The following ASXL1 variants were observed in gnomAD, a reference collection of about 807,000 sequenced individuals.
The protein encoded by ASXL1 is ASXL transcriptional regulator 1, also known as polycomb group protein ASXL1.
In ASXL1, 65 loss-of-function variants were observed where a neutral mutation model predicts 89.1. The observed-to-expected ratio is 0.73, with a 90% CI of 0.60 to 0.90. The LOEUF is 0.90. Among genes scored for constraint, ASXL1 ranks in the 40% least tolerant of loss-of-function variants. ASXL1 has a pLI of 0.00. For missense variants in ASXL1, 1,786 were observed against 1,942.9 expected (o/e 0.92, Z 1.52); for synonymous variants, 739 against 746.9 (o/e 0.99, Z 0.17).
At position 32,435,538 on chromosome 20, in the gene ASXL1, G is replaced by A. The variant is rs976714388; in HGVS notation, c.2826G>A (p.Gly942=). The A allele has an allele frequency of 1.9e-6, 3 of 1,613,882 alleles. No homozygotes were observed. The highest frequency in any genetic ancestry group is 2.7e-5 in the African/African-American group (2 of 74,892). The change falls in exon 13 of 13, where the codon GGG becomes GGA. Residue 942 remains glycine (G), a synonymous_variant. Transcript: ENST00000375687. ...KAAPTPPALP[G]DLTAEEGLDP... ...CTCCCACCCCTCCTGCATTGCCTGG[G>A]GATTTGACAGCTGAGGAGGGTCTAG...
At position 32,434,973 on chromosome 20, in the gene ASXL1, C is replaced by G. The variant is rs1184551610; in HGVS notation, c.2261C>G (p.Thr754Ser). Reference protein sequence around the residue: ...GDASQLPVAPTGDQPCQALPL... With the variant: ...GDASQLPVAPSGDQPCQALPL... ...GCCTCCCAACTCCCCGTTGCTCCCACTGGGGACCAGCCATGCCAGGCCTTG... is the reference window on the plus strand; with the variant it reads ...GCCTCCCAACTCCCCGTTGCTCCCAGTGGGGACCAGCCATGCCAGGCCTTG... The change falls in exon 13 of 13, where the codon ACT becomes AGT. Residue 754 changes from threonine (T) to serine (S), a missense_variant. This residue lies in a region of ASXL1 where 1,418 missense variants were observed against 1,427.8 expected (regional missense o/e 0.99). Transcript: ENST00000375687. 1.2e-6 allele frequency: 2 copies of G among 1,614,214 alleles called. No homozygotes were observed. Among genetic ancestry groups the G allele is most frequent in the Admixed American group, 1.7e-5 (1 of 60,034 alleles).
rs138417690 is a variant in ASXL1, at chr20:32,437,206, G to A, written c.4494G>A (p.Thr1498=). The change falls in exon 13 of 13, where the codon ACG becomes ACA. Residue 1498 remains threonine, a synonymous_variant. Transcript: ENST00000375687. ...LSLQMFTDSS[T]VESISLQCAC... ...TGCAAATGTTCACTGACAGCAGCAC[G>A]GTGGAAAGCATCTCGCTCCAGTGTG... The A allele has an allele frequency of 6.4e-5, 104 of 1,613,544 alleles. No homozygotes were observed. Among genetic ancestry groups the A allele is most frequent in the Admixed American group, 5.5e-4 (33 of 60,016 alleles).
intron 1 of ASXL1, among the ~76,000 whole-genome samples, chr20:32,361,804 G>T (rs1408030399): frequency 6.6e-6 from 1 of 152,214 alleles, no homozygotes; most frequent in African/African-American, 2.4e-5. Flanking sequence ...GGTGGCTCAC[G>T]CCTGTAATCC....
chr20:32,392,638 G>C (rs1305898360), intron 4 of ASXL1, among the ~76,000 whole-genome samples: 1 of 151,166 alleles, frequency 6.6e-6, no homozygotes, highest in Non-Finnish European at 1.5e-5. Flanking sequence ...TCTTTTCTAA[G>C]ATAGACATTT....
chr20:32,416,642 TGCA>T (rs2049143282), intron 4 of ASXL1, among the ~76,000 whole-genome samples: 1 of 152,244 alleles, frequency 6.6e-6, no homozygotes, highest in African/African-American at 2.4e-5. Context: ...TTATAAACAC[TGCA>T]GCAACACTTA....
At chr20:32,368,907 G>T (rs2048248760) in intron 3 of ASXL1, 108 bp from the exon 4 acceptor site, 3 of 837,834 alleles carry the variant, frequency 3.6e-6, no homozygotes, top group Admixed American at 2.8e-5. Context: ...TTTTTCTTCT[G>T]TATTTCTTGC....
chr20:32,364,511 C>G (rs745347162), intron 1 of ASXL1, among the ~76,000 whole-genome samples: 3 of 152,162 alleles, frequency 2.0e-5, no homozygotes, highest in Non-Finnish European at 4.4e-5. Flanking sequence ...ACCCACTTTA[C>G]CCAGCCATAT....
At chr20:32,383,370 G>A (rs1390615941) in intron 4 of ASXL1, among the ~76,000 whole-genome samples, 3 of 151,566 alleles carry the variant, frequency 2.0e-5, no homozygotes, top group Non-Finnish European at 2.9e-5. Flanking sequence ...GCAGTGGCGC[G>A]ATCTCGGCTC....
In ASXL1 at chr20:32,358,676, GC is replaced by G. The variant is rs971345309; in HGVS notation, c.-92del. On this transcript the variant is annotated 5_prime_UTR_variant, in exon 1 of 13. Transcript: ENST00000375687. ...ACCTCGCGCGCCGCCGCTGCCACGC[GC>G]CCCCCCCACCGCCGCCGCCGCCCCA... 1.2e-4 allele frequency: 46 copies of G among 398,454 alleles called. No individual in the cohort carries two copies. The highest frequency in any genetic ancestry group is 1.1e-4 in the African/African-American group (5 of 44,524). 24.7% of individuals were successfully genotyped at this position (398,454 alleles called of 1,614,324 possible). A position where few individuals can be genotyped will look rare whatever the true frequency, so the allele number is the denominator to read the frequency against.
intron 4 of ASXL1, among the ~76,000 whole-genome samples, chr20:32,426,546 T>TTTTCTTTC (rs1442181301): frequency 1.1e-5 from 1 of 89,134 alleles, no homozygotes; most frequent in Non-Finnish European, 2.5e-5. Flanking sequence ...GTTTTCTTTT[T>TTTTCTTTC]TTTCTTTCTT....
intron 4 of ASXL1, among the ~76,000 whole-genome samples, chr20:32,384,316 C>T (rs1183113433): frequency 1.3e-5 from 2 of 149,492 alleles, no homozygotes; most frequent in Non-Finnish European, 3.0e-5. Context: ...AAGCGATTCT[C>T]CTGCCTTGGC....
chr20:32,437,397 T>C lies in ASXL1; in HGVS notation c.*59T>C. 6.3e-7 allele frequency: 1 copy of C among 1,589,074 alleles called. No homozygotes were observed. The highest frequency in any genetic ancestry group is 8.6e-7 in the Non-Finnish European group (1 of 1,157,910). On this transcript the variant is annotated 3_prime_UTR_variant, in exon 13 of 13. Coordinates refer to ENST00000375687, the MANE Select transcript of ASXL1 (RefSeq NM_015338.6). ...GTGTGTGTATTTTGATAATGATTGA[T>C]CTTAAATCTGTATACAGAATATCAT...
chr20:32,372,325 C>T (rs553282405), intron 4 of ASXL1: 16 of 1,187,526 alleles, frequency 1.3e-5, no homozygotes, highest in Non-Finnish European at 1.6e-5. Context: ...TCTTAACTGC[C>T]TTTGGCTTTA....
rs144578238 is a variant in ASXL1 at position 32,376,768 on chromosome 20, T to G, written c.252+7645T>G. 8.0e-3 allele frequency among the ~76,000 whole-genome samples: 1,184 copies of G among 147,508 alleles called. 22 individuals carry two copies. The highest frequency in any genetic ancestry group is 0.028 in the African/African-American group (1,134 of 40,442). Reference sequence around the variant, plus strand: ...TCTGGTGGGACATTAGGGTCAGAATTTTGTATATTATATATTATATATCTA... The same window carrying G: ...TCTGGTGGGACATTAGGGTCAGAATGTTGTATATTATATATTATATATCTA... On this transcript the variant is annotated intron_variant, in intron 4 of 12. Coordinates refer to ENST00000375687, the MANE Select transcript of ASXL1 (RefSeq NM_015338.6).
chr20:32,431,515 C>T (rs1405924931), intron 9 of ASXL1, 31 bp downstream of exon 9: 8 of 1,614,128 alleles, frequency 5.0e-6, no homozygotes, highest in Non-Finnish European at 5.1e-6. Flanking sequence ...CTTTGCCTCT[C>T]TCTGGGTGGG....
intron 4 of ASXL1, among the ~76,000 whole-genome samples, chr20:32,386,615 G>T (rs1395448451): frequency 1.3e-5 from 2 of 151,766 alleles, no homozygotes; most frequent in African/African-American, 4.8e-5. Flanking sequence ...ATGGGGTTTC[G>T]CCATGTTGAC....
intron 4 of ASXL1, among the ~76,000 whole-genome samples, chr20:32,384,981 AAAC>A (rs2048554069): frequency 6.6e-6 from 1 of 152,160 alleles, no homozygotes; most frequent in South Asian, 2.1e-4. Flanking sequence ...GAAAAAAAAA[AAAC>A]TTTTCTTTGG....
chr20:32,395,165 G>A (rs901475678), intron 4 of ASXL1, among the ~76,000 whole-genome samples: 23 of 152,156 alleles, frequency 1.5e-4, no homozygotes, highest in Non-Finnish European at 2.6e-4. Flanking sequence ...TCTGCCAGAG[G>A]ACTTCCTTTA....
chr20:32,437,628 G>T lies in ASXL1; in HGVS notation c.*290G>T, dbSNP rs182359250. 2.7e-4 allele frequency: 128 copies of T among 481,778 alleles called. 1 individual carries two copies. The highest frequency in any genetic ancestry group is 2.1e-3 in the African/African-American group (111 of 52,066). The allele number at this position is 481,778 out of a possible 1,614,324, so 29.8% of individuals were successfully genotyped here. A position where few individuals can be genotyped will look rare whatever the true frequency, so the allele number is the denominator to read the frequency against. On this transcript the variant is annotated 3_prime_UTR_variant, in exon 13 of 13. Coordinates refer to ENST00000375687, the MANE Select transcript of ASXL1 (RefSeq NM_015338.6). ...GGAGTGGGGTTGCGGGGGGTGGGGG[G>T]ACTGCCTGACTCCCAGAGGGACTTG...
Sources: gnomAD v4.1 joint callset for allele counts (sites outside exome capture counted in the v4.1 genomes callset) on GRCh38, gnomAD v4.1.1 for gene constraint, gnomAD v4.1.1 regional missense constraint, MANE v1.5 for transcripts, NCBI Gene and HGNC (gene_info 2026-07-23, HGNC 2026-07-21) for gene names.